SGCZ: variants seen among roughly 807,000 people sequenced by gnomAD.
SGCZ encodes the protein sarcoglycan zeta.
SGCZ carries 40 observed loss-of-function variants against 41.3 expected under a neutral mutation model. The ratio of observed to expected loss-of-function variants is 0.97; its 90% CI spans 0.75 to 1.26. SGCZ has a LOEUF of 1.26. Ranked by LOEUF, SGCZ falls within the 50% of genes most tolerant of loss-of-function variation. SGCZ has a pLI of 0.00. For synonymous variants in SGCZ, 206 were observed against 137.5 expected (o/e 1.50, Z -3.49); for missense variants, 552 against 369.8 (o/e 1.49, Z -4.04).
At chr8:14,970,725 A>T (rs1461326553) in intron 1 of SGCZ, among the ~76,000 whole-genome samples, 1 of 152,132 alleles carries the variant, frequency 6.6e-6, no homozygotes, top group African/African-American at 2.4e-5. Flanking sequence ...TCTTGATATC[A>T]GAGAGTCTTA....
At chr8:14,398,634 T>G (rs1051459620) in intron 2 of SGCZ, among the ~76,000 whole-genome samples, 1 of 151,740 alleles carries the variant, frequency 6.6e-6, no homozygotes, top group Non-Finnish European at 1.5e-5. Context: ...AAGATTTTTA[T>G]TTTTTTTAAA....
At chr8:14,247,394 GAGC>G (rs1358377562) in intron 3 of SGCZ, among the ~76,000 whole-genome samples, 19 of 152,124 alleles carry the variant, frequency 1.2e-4, no homozygotes, top group African/African-American at 4.6e-4. Context: ...ATGCTGCAGG[GAGC>G]AGTTTTACAC....
intron 1 of SGCZ, among the ~76,000 whole-genome samples, chr8:15,236,605 C>T (rs915082658): frequency 6.6e-6 from 1 of 151,984 alleles, no homozygotes; most frequent in Non-Finnish European, 1.5e-5. Context: ...TTACGGTGAG[C>T]GGGACATTTA....
chr8:14,159,518 G>A (rs1803977920), intron 5 of SGCZ, among the ~76,000 whole-genome samples: 1 of 152,104 alleles, frequency 6.6e-6, no homozygotes, highest in Non-Finnish European at 1.5e-5. Context: ...AAGGTGGGGT[G>A]GTACTAATAT....
intron 2 of SGCZ, among the ~76,000 whole-genome samples, chr8:14,399,341 T>G (rs1799007400): frequency 6.6e-6 from 1 of 152,142 alleles, no homozygotes. Flanking sequence ...ATCTTACCAG[T>G]AGAATCTGAC....
intron 1 of SGCZ, among the ~76,000 whole-genome samples, chr8:14,983,930 A>T (rs1801750814): frequency 6.6e-6 from 1 of 152,122 alleles, no homozygotes; most frequent in African/African-American, 2.4e-5. Context: ...ACAAACTCTT[A>T]TTATCTCAGG....
intron 5 of SGCZ, among the ~76,000 whole-genome samples, chr8:14,134,793 C>A (rs1202492651): frequency 6.6e-6 from 1 of 152,058 alleles, no homozygotes; most frequent in African/African-American, 2.4e-5. Flanking sequence ...GGCAAATTGG[C>A]CCATGATCCA....
intron 2 of SGCZ, among the ~76,000 whole-genome samples, chr8:14,419,248 T>C (rs1311658835): frequency 6.6e-6 from 1 of 151,966 alleles, no homozygotes. Flanking sequence ...GCAACATCCA[T>C]ATCTGGGTTA....
rs548165681 is a variant in SGCZ at position 14,588,428 on chromosome 8, C to T, written c.40-33502G>A. 3.3e-5 allele frequency among the ~76,000 whole-genome samples: 5 copies of T among 151,368 alleles called. No individual in the cohort carries two copies. The East Asian group carries it at 5.8e-4, about 18-fold the overall frequency. On this transcript the variant is annotated intron_variant, in intron 1 of 7. Coordinates refer to ENST00000382080, the MANE Select transcript of SGCZ (RefSeq NM_139167.4). ...TCATTTGAAAGTAAATACAGGAAAACTTTGATTTATTTATTCAGTGAATAC... is the reference window on the plus strand; with the variant it reads ...TCATTTGAAAGTAAATACAGGAAAATTTTGATTTATTTATTCAGTGAATAC...
chr8:14,432,490 G>A (rs558923886), intron 2 of SGCZ, among the ~76,000 whole-genome samples: 2 of 152,164 alleles, frequency 1.3e-5, no homozygotes, highest in African/African-American at 2.4e-5. Context: ...CATATGCAAA[G>A]GCATAAGTAT....
At chr8:14,361,552 A>G (rs1363194109) in intron 2 of SGCZ, among the ~76,000 whole-genome samples, 1 of 152,168 alleles carries the variant, frequency 6.6e-6, no homozygotes, top group Non-Finnish European at 1.5e-5. Flanking sequence ...GCTCTTCTCT[A>G]CACTGGTTAT....
intron 1 of SGCZ, among the ~76,000 whole-genome samples, chr8:15,144,976 C>A (rs1012337726): frequency 1.3e-5 from 2 of 152,194 alleles, no homozygotes; most frequent in Non-Finnish European, 2.9e-5. Flanking sequence ...CCAAGTTTGT[C>A]TGGCATAATA....
chr8:14,937,722 T>C (rs1244541151), intron 1 of SGCZ, among the ~76,000 whole-genome samples: 1 of 152,142 alleles, frequency 6.6e-6, no homozygotes, highest in Non-Finnish European at 1.5e-5. Context: ...TTAGATATCC[T>C]TTTTCTGTAA....
intron 1 of SGCZ, among the ~76,000 whole-genome samples, chr8:14,886,224 T>C (rs1804800161): frequency 6.6e-6 from 1 of 151,702 alleles, no homozygotes; most frequent in African/African-American, 2.4e-5. Flanking sequence ...TTTCAACAAA[T>C]ATTTATTGAG....
At position 14,244,973 on chromosome 8, in the gene SGCZ, T is replaced by A. The variant is rs530784190; in HGVS notation, c.337-7294A>T. ...CCTGAGACTTTGCTGAAGTTGCTTATCAGCTTAAGGAGATTTTGGGCTGAG... is the reference window on the plus strand; with the variant it reads ...CCTGAGACTTTGCTGAAGTTGCTTAACAGCTTAAGGAGATTTTGGGCTGAG... On this transcript the variant is annotated intron_variant, in intron 3 of 7. Coordinates refer to ENST00000382080, the MANE Select transcript of SGCZ (RefSeq NM_139167.4). Among the ~76,000 whole-genome samples the A allele has an allele frequency of 8.5e-5, 13 of 152,272 alleles. No individual in the cohort carries two copies. The East Asian group carries it at 2.5e-3, about 29-fold the overall frequency.
At chr8:14,720,793 C>T (rs181380333) in intron 1 of SGCZ, among the ~76,000 whole-genome samples, 19 of 152,158 alleles carry the variant, frequency 1.2e-4, no homozygotes, top group Admixed American at 7.2e-4. Context: ...AATTTGCTGC[C>T]TACTGCTTTA....
intron 2 of SGCZ, among the ~76,000 whole-genome samples, chr8:14,447,338 A>G (rs965303707): frequency 6.6e-6 from 1 of 152,192 alleles, no homozygotes; most frequent in African/African-American, 2.4e-5. Flanking sequence ...TGAAATCAAA[A>G]AAATACAAAT....
intron 1 of SGCZ, among the ~76,000 whole-genome samples, chr8:14,990,603 G>C (rs1477320446): frequency 1.3e-5 from 2 of 151,994 alleles, no homozygotes; most frequent in Non-Finnish European, 2.9e-5. Flanking sequence ...CCCTAGATGA[G>C]ACCATCTAGT....
chr8:15,009,025 T>C (rs947261288), intron 1 of SGCZ, among the ~76,000 whole-genome samples: 3 of 152,172 alleles, frequency 2.0e-5, no homozygotes, highest in Non-Finnish European at 2.9e-5. Context: ...GCCCAAGCTA[T>C]ACAATTGTCC....
Sources: allele counts gnomAD v4.1 joint callset (sites outside exome capture counted in the v4.1 genomes callset), GRCh38; gene constraint gnomAD v4.1.1; transcripts MANE v1.5; gene names NCBI Gene and HGNC (gene_info 2026-07-23, HGNC 2026-07-21).